The following KDM3A variants were observed in gnomAD, a reference collection of about 807,000 sequenced individuals.
The protein encoded by KDM3A is lysine-specific demethylase 3A.
A neutral mutation model predicts 158.0 loss-of-function variants in KDM3A; 60 were observed. The observed-to-expected ratio is 0.38, with a 90% confidence interval of 0.31 to 0.47. KDM3A has a LOEUF of 0.47. KDM3A is among the 20% of genes least tolerant of loss of function. The pLI is 0.99. For missense variants in KDM3A, 1,319 were observed against 1,574.3 expected (o/e 0.84, Z 2.74); for synonymous variants, 608 against 549.3 (o/e 1.11, Z -1.49).
At chr2:86,491,088 TTA>T in intron 24 of KDM3A, 31 bp downstream of exon 24, 1 of 1,613,268 alleles carries the variant, frequency 6.2e-7, no homozygotes, top group South Asian at 1.1e-5. Context: ...TTTAATCTCT[TTA>T]TGTCATGAAC....
rs763627688 is a variant in KDM3A at position 86,482,652 on chromosome 2, G to C, written c.2880G>C (p.Lys960Asn). 1.8e-5 allele frequency: 29 copies of C among 1,613,990 alleles called. No individual in the cohort carries two copies. Among genetic ancestry groups the C allele is most frequent in the Non-Finnish European group, 2.5e-6 (3 of 1,180,024 alleles). The part of the protein sequence containing the change: ...RLLCLQDPNN[K>N]SNWNVFRECW... Reference sequence around the variant, plus strand: ...TGTGCTTGCAAGACCCCAACAATAAGAGCAACTGGAATGTGTTTAGGGAGT... The same window carrying C: ...TGTGCTTGCAAGACCCCAACAATAACAGCAACTGGAATGTGTTTAGGGAGT... The change falls in exon 18 of 26, where the codon AAG (lysine) becomes AAC (asparagine). Residue 960 changes from lysine (K) to asparagine (N), a missense_variant. By Grantham distance (94) the Lys-to-Asn change is moderately conservative. Coordinates refer to ENST00000312912, the MANE Select transcript of KDM3A (RefSeq NM_018433.6).
intron 4 of KDM3A, among the ~76,000 whole-genome samples, chr2:86,452,012 A>G (rs992268225): frequency 6.6e-6 from 1 of 152,196 alleles, no homozygotes; most frequent in Non-Finnish European, 1.5e-5. Context: ...TTGTAACCCC[A>G]AATCAATACT....
At chr2:86,472,359 G>A (rs1673457562) in intron 11 of KDM3A, among the ~76,000 whole-genome samples, 1 of 151,872 alleles carries the variant, frequency 6.6e-6, no homozygotes, top group African/African-American at 2.4e-5. Context: ...CTTTTTTCCT[G>A]ATGTTTAGAG....
At position 86,456,872 on chromosome 2, in the gene KDM3A, CAT is replaced by C; in HGVS notation, c.750_751del (p.Cys251TrpfsTer2). Reference sequence around the variant, plus strand: ...GAAGTTGTACACGATAACCTTGTGACATGTGGTAAGATATGTTATTAAAATCT... The same window carrying C: ...GAAGTTGTACACGATAACCTTGTGACGTGGTAAGATATGTTATTAAAATCT... On this transcript the variant is annotated frameshift_variant, in exon 7 of 26. Transcript: ENST00000312912. LOFTEE classifies it high-confidence loss of function. 2 of 1,608,466 alleles carry C rather than the reference CAT, an allele frequency of 1.2e-6. No individual in the cohort carries two copies. The highest frequency in any genetic ancestry group is 1.7e-6 in the Non-Finnish European group (2 of 1,175,280).
intron 12 of KDM3A, among the ~76,000 whole-genome samples, chr2:86,476,059 A>T (rs1420099575): frequency 6.6e-6 from 1 of 151,966 alleles, no homozygotes; most frequent in East Asian, 1.9e-4. Flanking sequence ...GGTAGTGGAG[A>T]CTCTAAGTCA....
At chr2:86,467,768 C>T (rs1461645024) in intron 10 of KDM3A, among the ~76,000 whole-genome samples, 1 of 152,162 alleles carries the variant, frequency 6.6e-6, no homozygotes, top group East Asian at 1.9e-4. Context: ...CACCTGTAAT[C>T]CTAATACTTT....
intron 11 of KDM3A, among the ~76,000 whole-genome samples, chr2:86,474,095 G>A (rs779371678): frequency 6.6e-6 from 1 of 152,080 alleles, no homozygotes; most frequent in Admixed American, 6.5e-5. Flanking sequence ...GTTTGTTAAC[G>A]ACTTAACTTC....
chr2:86,444,788 T>C (rs550726718), intron 2 of KDM3A, among the ~76,000 whole-genome samples: 1 of 152,250 alleles, frequency 6.6e-6, no homozygotes, highest in Non-Finnish European at 1.5e-5. Flanking sequence ...ATGGATGATA[T>C]TAATGAGGCC....
At chr2:86,445,223 A>G (rs191771426) in intron 2 of KDM3A, among the ~76,000 whole-genome samples, 3 of 152,090 alleles carry the variant, frequency 2.0e-5, no homozygotes, top group Non-Finnish European at 4.4e-5. Flanking sequence ...ATTTGAATGG[A>G]TAAGTGAAGG....
intron 8 of KDM3A, among the ~76,000 whole-genome samples, chr2:86,461,234 TCTC>T (rs764499717): frequency 2.6e-5 from 4 of 152,122 alleles, no homozygotes; most frequent in Non-Finnish European, 5.9e-5. Flanking sequence ...CTCCAAATCT[TCTC>T]CTTGGTGTGG....
chr2:86,480,048 T>C (rs1673845981), intron 15 of KDM3A, 119 bp from the exon 16 acceptor site: 2 of 741,006 alleles, frequency 2.7e-6, no homozygotes, highest in Non-Finnish European at 2.3e-6. Flanking sequence ...GGCTAACTAT[T>C]AGGTGGTTTT....
chr2:86,451,247 C>G (rs760904934), intron 4 of KDM3A, 34 bp downstream of exon 4: 1 of 1,362,114 alleles, frequency 7.3e-7, no homozygotes, highest in Non-Finnish European at 1.0e-6. Context: ...ACATTAGAAA[C>G]AGAAATACGA....
intron 13 of KDM3A, 51 bp from the exon 14 acceptor site, chr2:86,478,119 T>G (rs758929147): frequency 1.2e-6 from 2 of 1,608,886 alleles, no homozygotes; most frequent in Admixed American, 3.3e-5. Context: ...TCTTGAAGCA[T>G]GTGGAGACAG....
intron 21 of KDM3A, chr2:86,487,693 T>C (rs1052759366): frequency 4.6e-5 from 7 of 152,262 alleles, no homozygotes; most frequent in African/African-American, 1.7e-4. Flanking sequence ...TTCAGCTTTT[T>C]TTCCCCCTTA....
At chr2:86,449,002 C>T (rs565706139) in intron 2 of KDM3A, among the ~76,000 whole-genome samples, 1 of 152,226 alleles carries the variant, frequency 6.6e-6, no homozygotes, top group South Asian at 2.1e-4. Context: ...ATAGATCACT[C>T]CCAGAAGCCC....
chr2:86,484,227 T>C (rs1674075780), intron 19 of KDM3A, 69 bp downstream of exon 19: 27 of 1,380,350 alleles, frequency 2.0e-5, no homozygotes, highest in Non-Finnish European at 2.7e-5. Flanking sequence ...GGCAGGAGTC[T>C]GAGACCCATC....
chr2:86,488,752 AT>A (rs1258939782), intron 21 of KDM3A: 2 of 153,330 alleles, frequency 1.3e-5, no homozygotes, highest in African/African-American at 4.8e-5. Context: ...CTTCAGGATG[AT>A]TGTTGAGCAA....
At chr2:86,460,580 T>C (rs774724207) in intron 8 of KDM3A, among the ~76,000 whole-genome samples, 6 of 152,184 alleles carry the variant, frequency 3.9e-5, no homozygotes, top group Non-Finnish European at 7.4e-5. Flanking sequence ...ACTGTCTTGA[T>C]GAATACTTTT....
At chr2:86,462,817 G>T (rs1360527756) in intron 8 of KDM3A, among the ~76,000 whole-genome samples, 1 of 152,170 alleles carries the variant, frequency 6.6e-6, no homozygotes, top group African/African-American at 2.4e-5. Flanking sequence ...TGCTGGCCAG[G>T]CACAGTGGCT....
Sources: allele counts gnomAD v4.1 joint callset (sites outside exome capture counted in the v4.1 genomes callset), GRCh38; gene constraint gnomAD v4.1.1; transcripts MANE v1.5; gene names NCBI Gene and HGNC (gene_info 2026-07-23, HGNC 2026-07-21).